Variants in CDH18 observed in about 807,000 individuals in gnomAD.
The protein encoded by CDH18 is cadherin-18.
A neutral mutation model predicts 67.9 loss-of-function variants in CDH18; 31 were observed. That is an observed-to-expected ratio of 0.46 (90% CI 0.34 to 0.62). The LOEUF (loss-of-function observed/expected upper bound fraction) is 0.62. Among genes scored for constraint, CDH18 ranks in the 20% least tolerant of loss-of-function variants. The probability of loss-of-function intolerance (pLI) is 0.01; values close to 1 mark genes in which losing one functional copy is unlikely to be tolerated. For synonymous variants in CDH18, 362 were observed against 347.2 expected, an observed-to-expected ratio of 1.04 and a Z score of -0.48; for missense variants, 890 against 975.5, an observed-to-expected ratio of 0.91 and a Z score of 1.17.
intron 2 of CDH18, among the ~76,000 whole-genome samples, chr5:20,111,162 T>C (rs1440015521): frequency 6.6e-6 from 1 of 152,214 alleles, no homozygotes; most frequent in African/African-American, 2.4e-5. Context: ...TTCTCTGCTC[T>C]ATGTAAAGGG....
At chr5:19,819,578 G>A (rs1056648388) in intron 3 of CDH18, among the ~76,000 whole-genome samples, 5 of 152,132 alleles carry the variant, frequency 3.3e-5, no homozygotes, top group African/African-American at 1.2e-4. Context: ...CTGTGAGGCA[G>A]CACACTCGCA....
intron 2 of CDH18, among the ~76,000 whole-genome samples, chr5:19,911,851 T>C (rs550176110): frequency 1.9e-3 from 287 of 152,338 alleles, no homozygotes; most frequent in Middle Eastern, 3.4e-3. Context: ...AGTTTCAAAG[T>C]GTTATTTTTA....
intron 1 of CDH18, among the ~76,000 whole-genome samples, chr5:20,402,664 T>G (rs183084560): frequency 5.5e-4 from 83 of 152,216 alleles, no homozygotes; most frequent in Non-Finnish European, 1.0e-3. Flanking sequence ...AAAATTATGA[T>G]TATATGAACC....
chr5:20,154,735 A>G, intron 2 of CDH18, among the ~76,000 whole-genome samples: 1 of 152,256 alleles, frequency 6.6e-6, no homozygotes, highest in East Asian at 1.9e-4. Context: ...ATTCAGCAAA[A>G]CATCATACGC....
intron 1 of CDH18, among the ~76,000 whole-genome samples, chr5:20,504,749 C>T (rs1411811599): frequency 1.4e-5 from 2 of 143,560 alleles, no homozygotes; most frequent in Non-Finnish European, 3.0e-5. Context: ...AAAAAGTGAA[C>T]ACAAAAGGGA....
At chr5:20,299,719 C>A (rs527635560) in intron 1 of CDH18, among the ~76,000 whole-genome samples, 10 of 135,940 alleles carry the variant, frequency 7.4e-5, no homozygotes, top group African/African-American at 2.8e-4. Context: ...GATCGCACCA[C>A]TGTACTCCAG....
chr5:20,495,614 C>A (rs530440253), intron 1 of CDH18, among the ~76,000 whole-genome samples: 3 of 151,940 alleles, frequency 2.0e-5, no homozygotes, highest in Non-Finnish European at 4.4e-5. Context: ...AAACAGGAAG[C>A]GGAAATGTCA....
At chr5:19,724,660 A>G (rs1581069637) in intron 4 of CDH18, among the ~76,000 whole-genome samples, 1 of 152,172 alleles carries the variant, frequency 6.6e-6, no homozygotes, top group East Asian at 1.9e-4. Flanking sequence ...GAAAAAAAAA[A>G]GATTTGCAAA....
intron 1 of CDH18, among the ~76,000 whole-genome samples, chr5:20,405,632 C>T (rs1562038659): frequency 1.3e-5 from 2 of 152,052 alleles, no homozygotes; most frequent in Non-Finnish European, 2.9e-5. Flanking sequence ...AAAGAAACTA[C>T]CATCAGAGTG....
rs4002156 is a variant in CDH18, at chr5:20,130,401, GT to G, written c.-518+125042del. On this transcript the variant is annotated intron_variant, in intron 2 of 14. Transcript: ENST00000507958. Reference sequence around the variant, plus strand: ...GAGAGGTAGAGTTCTCTCTTCCTTAGTTTTTTTTTTTTTTTTCACTTACGAC... The same window carrying G: ...GAGAGGTAGAGTTCTCTCTTCCTTAGTTTTTTTTTTTTTTTCACTTACGAC... Among the ~76,000 whole-genome samples the G allele has an allele frequency of 9.2e-3, 1,318 of 143,726 alleles. 16 individuals carry two copies. The highest frequency in any genetic ancestry group is 0.027 in the South Asian group (125 of 4,592). 94.3% of individuals were successfully genotyped at this position (143,726 alleles called of 152,430 possible). A position where few individuals can be genotyped will look rare whatever the true frequency, so the allele number is the denominator to read the frequency against.
chr5:19,656,437 C>T (rs991277190), intron 5 of CDH18, among the ~76,000 whole-genome samples: 14 of 152,000 alleles, frequency 9.2e-5, no homozygotes, highest in African/African-American at 3.4e-4. Flanking sequence ...ATTATGCTGG[C>T]ATTTAATCAA....
intron 8 of CDH18, among the ~76,000 whole-genome samples, chr5:19,554,046 C>A (rs1179898043): frequency 6.6e-6 from 1 of 151,964 alleles, no homozygotes; most frequent in African/African-American, 2.4e-5. Context: ...AATACACAAG[C>A]CATGCATTGA....
chr5:19,715,085 G>A (rs535822201), intron 5 of CDH18, among the ~76,000 whole-genome samples: 1 of 151,968 alleles, frequency 6.6e-6, no homozygotes, highest in African/African-American at 2.4e-5. Flanking sequence ...CATATGAAAT[G>A]ATACAAAATG....
At chr5:19,566,617 G>A (rs890149437) in intron 8 of CDH18, among the ~76,000 whole-genome samples, 1 of 152,074 alleles carries the variant, frequency 6.6e-6, no homozygotes, top group Non-Finnish European at 1.5e-5. Context: ...TCACTACCAC[G>A]AGAACACTAT....
intron 1 of CDH18, among the ~76,000 whole-genome samples, chr5:20,275,674 T>C (rs987400112): frequency 1.3e-5 from 2 of 152,140 alleles, no homozygotes; most frequent in African/African-American, 2.4e-5. Context: ...TTAACCTCCC[T>C]GGAGGAATAG....
intron 3 of CDH18, among the ~76,000 whole-genome samples, chr5:19,765,154 C>T (rs1324145014): frequency 1.3e-5 from 2 of 152,094 alleles, no homozygotes; most frequent in Non-Finnish European, 2.9e-5. Flanking sequence ...AAATCCAATT[C>T]AATGTAACTG....
intron 2 of CDH18, among the ~76,000 whole-genome samples, chr5:19,913,560 G>A (rs913633576): frequency 2.0e-5 from 3 of 152,102 alleles, no homozygotes; most frequent in African/African-American, 7.2e-5. Flanking sequence ...TATGAAATCA[G>A]AGAGTAGGTA....
chr5:20,000,224 A>T (rs1333320392), intron 2 of CDH18, among the ~76,000 whole-genome samples: 1 of 152,252 alleles, frequency 6.6e-6, no homozygotes, highest in Non-Finnish European at 1.5e-5. Flanking sequence ...GATTTTTAAT[A>T]GATTACTAAA....
At chr5:19,541,647 C>T (rs920110118) in intron 9 of CDH18, among the ~76,000 whole-genome samples, 8 of 152,208 alleles carry the variant, frequency 5.3e-5, no homozygotes, top group African/African-American at 1.9e-4. Flanking sequence ...CAAGAGAGAG[C>T]GTGTGCAGGG....
Sources: allele counts gnomAD v4.1 joint callset (sites outside exome capture counted in the v4.1 genomes callset), GRCh38; gene constraint gnomAD v4.1.1; transcripts MANE v1.5; gene names NCBI Gene and HGNC (gene_info 2026-07-23, HGNC 2026-07-21).